Variants in ZFP14 observed in about 807,000 individuals in gnomAD.
ZFP14 encodes zinc finger protein 14 homolog.
A neutral mutation model predicts 54.5 loss-of-function variants in ZFP14; 22 were observed. The ratio of observed to expected loss-of-function variants is 0.40; its 90% CI spans 0.29 to 0.58. The LOEUF (loss-of-function observed/expected upper bound fraction) is 0.58, where lower values mean the gene tolerates loss of function less well. ZFP14 is among the 20% of genes least tolerant of loss of function. The probability of loss-of-function intolerance (pLI) is 0.39; values close to 1 mark genes in which losing one functional copy is unlikely to be tolerated. For synonymous variants in ZFP14, 159 were observed against 204.0 expected (o/e 0.78, Z 1.88); for missense variants, 470 against 637.8 (o/e 0.74, Z 2.83).
intron 4 of ZFP14, among the ~76,000 whole-genome samples, chr19:36,347,062 T>A (rs572667012): frequency 1.3e-5 from 2 of 152,332 alleles, no homozygotes; most frequent in South Asian, 4.1e-4. Flanking sequence ...CTTATCAGCC[T>A]CATGTGACTT....
At position 36,340,073 on chromosome 19, in the gene ZFP14, T is replaced by C. The variant is rs990850431; in HGVS notation, c.*151A>G. 40 of 776,724 alleles carry C rather than the reference T, an allele frequency of 5.1e-5. No individual in the cohort carries two copies. Among genetic ancestry groups the C allele is most frequent in the Non-Finnish European group, 7.1e-5 (38 of 536,918 alleles). The allele number at this position is 776,724 out of a possible 1,614,324, so 48.1% of individuals were successfully genotyped here. A position where few individuals can be genotyped will look rare whatever the true frequency, so the allele number is the denominator to read the frequency against. On this transcript the variant is annotated 3_prime_UTR_variant, in exon 5 of 5. Coordinates refer to ENST00000270001, the MANE Select transcript of ZFP14 (RefSeq NM_020917.3). This position sits in a 1 kb window ranked among gnomAD's most constrained non-coding sequence, Gnocchi z 5.4. The stretch of plus-strand genomic sequence containing the variant: ...ATAGGAATTTGCTGAAGATAAACCA[T>C]GTTTAAATGGTGTTGGAAGGCTTTT...
intron 1 of ZFP14, among the ~76,000 whole-genome samples, chr19:36,374,080 C>T (rs1256432040): frequency 6.6e-6 from 1 of 152,176 alleles, no homozygotes; most frequent in African/African-American, 2.4e-5. Flanking sequence ...GTTGTGGGGA[C>T]ACCGACACTA....
chr19:36,364,896 TAAC>T (rs935162430), intron 2 of ZFP14, among the ~76,000 whole-genome samples: 6 of 151,904 alleles, frequency 3.9e-5, no homozygotes, highest in Admixed American at 3.9e-4. Flanking sequence ...TCAGACATTC[TAAC>T]GATTAACCAG....
chr19:36,359,886 C>T (rs970275296), intron 4 of ZFP14, among the ~76,000 whole-genome samples: 3 of 152,092 alleles, frequency 2.0e-5, no homozygotes, highest in African/African-American at 7.2e-5. Context: ...AACCCCTGAC[C>T]TCAAGTGACC....
chr19:36,372,009 A>T (rs1399831595), intron 1 of ZFP14, among the ~76,000 whole-genome samples: 1 of 143,792 alleles, frequency 7.0e-6, no homozygotes, highest in African/African-American at 2.6e-5. Flanking sequence ...GGAGGGAAGG[A>T]GGGAAGGAAG....
rs1387616750 is a variant in ZFP14, at chr19:36,353,277, T to A, written c.235+7158A>T. 1.4e-5 allele frequency among the ~76,000 whole-genome samples: 2 copies of A among 142,742 alleles called. 1 individual carries two copies. Among genetic ancestry groups the A allele is most frequent in the Non-Finnish European group, 3.1e-5 (2 of 64,282 alleles). 93.6% of individuals were successfully genotyped at this position (142,742 alleles called of 152,430 possible). ...CTAACATTTTCTCTCAGCCTTCCAC[T>A]AGTACCATTCTCAGCAAAACCACTA... On this transcript the variant is annotated intron_variant, in intron 4 of 4. Transcript: ENST00000270001.
intron 4 of ZFP14, among the ~76,000 whole-genome samples, chr19:36,344,504 C>A (rs569894723): frequency 1.3e-5 from 2 of 152,166 alleles, no homozygotes; most frequent in East Asian, 3.9e-4. Flanking sequence ...CAGTTTAATT[C>A]TCATAATTAT....
rs1308523351 is a variant in ZFP14 at position 36,349,231 on chromosome 19, C to CAAAAAAA, written c.236-7648_236-7642dup. ...GGGCTATAAGAGGGGAACTCTGTCT[C>CAAAAAAA]AAAAAAAAAAACAAAAAAAAAAAAA... On this transcript the variant is annotated intron_variant, in intron 4 of 4. Coordinates refer to ENST00000270001, the MANE Select transcript of ZFP14 (RefSeq NM_020917.3). Among the ~76,000 whole-genome samples the CAAAAAAA allele has an allele frequency of 4.2e-3, 18 of 4,256 alleles. 6 individuals are homozygous for CAAAAAAA. Among genetic ancestry groups the CAAAAAAA allele is most frequent in the East Asian group, 0.018 (3 of 168 alleles). 2.8% of individuals were successfully genotyped at this position (4,256 alleles called of 152,430 possible).
intron 4 of ZFP14, among the ~76,000 whole-genome samples, chr19:36,346,747 C>T (rs993905567): frequency 2.0e-5 from 3 of 152,342 alleles, no homozygotes; most frequent in South Asian, 2.1e-4. Context: ...TAAGCCACTG[C>T]GCCCAGCCGC....
rs2031529120 is a variant in ZFP14, at chr19:36,351,730, G to A, written c.235+8705C>T. ...ACAAATTAGCCGGGCATGGTGGTGT[G>A]TACCCGTAGTCCTACCTACCCAAGA... On this transcript the variant is annotated intron_variant, in intron 4 of 4. Transcript: ENST00000270001. Among the ~76,000 whole-genome samples, 2 of 140,364 alleles carry A rather than the reference G, an allele frequency of 1.4e-5. 1 individual carries two copies. Among genetic ancestry groups the A allele is most frequent in the African/African-American group, 5.2e-5 (2 of 38,114 alleles). 92.1% of individuals were successfully genotyped at this position (140,364 alleles called of 152,430 possible). A position where few individuals can be genotyped will look rare whatever the true frequency, so the allele number is the denominator to read the frequency against.
intron 1 of ZFP14, among the ~76,000 whole-genome samples, chr19:36,368,604 T>C (rs1273775111): frequency 6.6e-6 from 1 of 152,172 alleles, no homozygotes; most frequent in Non-Finnish European, 1.5e-5. Context: ...TCAGATTTGT[T>C]CTGAGCAGCT....
In ZFP14 at chr19:36,335,382, T is replaced by C. The variant is rs1374224127; in HGVS notation, c.*4842A>G. The C allele has an allele frequency of 6.6e-6, 1 of 152,218 alleles. No homozygotes were observed. The highest frequency in any genetic ancestry group is 1.5e-5 in the Non-Finnish European group (1 of 68,038). 9.4% of individuals were successfully genotyped at this position (152,218 alleles called of 1,614,324 possible). ...GATAGATTTTGTAATAAATTCTAAA[T>C]AAACTTTATTTAGAATTGTGAAAAA... On this transcript the variant is annotated 3_prime_UTR_variant, in exon 5 of 5. Transcript: ENST00000270001.
intron 1 of ZFP14, among the ~76,000 whole-genome samples, chr19:36,371,986 T>TGGGG (rs2031884149): frequency 9.7e-6 from 1 of 103,366 alleles, no homozygotes; most frequent in Non-Finnish European, 1.8e-5. Context: ...GAAGGAGGGA[T>TGGGG]GGAGGGAGGG....
chr19:36,346,842 A>G (rs1225433697), intron 4 of ZFP14, among the ~76,000 whole-genome samples: 2 of 152,158 alleles, frequency 1.3e-5, no homozygotes, highest in African/African-American at 4.8e-5. Flanking sequence ...TCTATACTAT[A>G]ACAAACAGCC....
intron 1 of ZFP14, among the ~76,000 whole-genome samples, chr19:36,369,102 A>G (rs1172675346): frequency 6.6e-6 from 1 of 152,136 alleles, no homozygotes; most frequent in East Asian, 1.9e-4. Flanking sequence ...TCGGCCTCCC[A>G]AAGGGCTGGG....
At chr19:36,373,977 G>T (rs1484049125) in intron 1 of ZFP14, among the ~76,000 whole-genome samples, 2 of 148,934 alleles carry the variant, frequency 1.3e-5, no homozygotes, top group Non-Finnish European at 3.0e-5. Context: ...AAAAAGAAAA[G>T]AAAAAAATGA....
intron 4 of ZFP14, among the ~76,000 whole-genome samples, chr19:36,349,695 A>AAT (rs961610714): frequency 2.8e-5 from 4 of 144,112 alleles, no homozygotes; most frequent in Admixed American, 7.0e-5. Context: ...ATATATATAT[A>AAT]ATATATATAT....
chr19:36,375,059 C>T (rs1389169876), intron 1 of ZFP14, among the ~76,000 whole-genome samples: 1 of 152,044 alleles, frequency 6.6e-6, no homozygotes, highest in Non-Finnish European at 1.5e-5. Context: ...TGACTGATGT[C>T]TTCTAAGCAC....
chr19:36,377,420 G>A (rs1230576918), intron 1 of ZFP14, among the ~76,000 whole-genome samples: 2 of 151,976 alleles, frequency 1.3e-5, no homozygotes, highest in African/African-American at 4.8e-5. Flanking sequence ...GGGACCACGT[G>A]CCTGTGGTCT....
Sources: gnomAD v4.1 joint callset for allele counts (sites outside exome capture counted in the v4.1 genomes callset) on GRCh38, gnomAD v4.1.1 for gene constraint, Gnocchi (gnomAD v3.1) non-coding constraint, MANE v1.5 for transcripts, NCBI Gene and HGNC (gene_info 2026-07-23, HGNC 2026-07-21) for gene names.